SLC28A3: variants seen among roughly 807,000 people sequenced by gnomAD.
SLC28A3 encodes solute carrier family 28 member 3.
In SLC28A3, 68 loss-of-function variants were observed where a neutral mutation model predicts 84.2. The observed-to-expected ratio is 0.81, with a 90% CI of 0.66 to 0.99. The LOEUF (loss-of-function observed/expected upper bound fraction) is 0.99, where lower values mean the gene tolerates loss of function less well. Among genes scored for constraint, SLC28A3 ranks in the 50% least tolerant of loss-of-function variants. SLC28A3 has a pLI of 0.00. For synonymous variants in SLC28A3, 267 were observed against 303.6 expected (o/e 0.88, Z 1.25); for missense variants, 712 against 841.5 (o/e 0.85, Z 1.90).
At chr9:84,326,380 G>GA (rs1476829198) in intron 1 of SLC28A3, among the ~76,000 whole-genome samples, 3 of 151,732 alleles carry the variant, frequency 2.0e-5, no homozygotes, top group East Asian at 1.9e-4. Flanking sequence ...GTTATCAAAA[G>GA]AAAAAAACAA....
chr9:84,366,772 G>A, the SLC28A3 span, among the ~76,000 whole-genome samples: 114 of 152,322 alleles, frequency 7.5e-4, no homozygotes, highest in African/African-American at 2.6e-3. Context: ...GCCACCTAAA[G>A]CTGGGGGTGG....
intron 7 of SLC28A3, 39 bp downstream of exon 7, chr9:84,297,867 G>T: frequency 6.6e-7 from 1 of 1,524,910 alleles, no homozygotes; most frequent in Non-Finnish European, 8.9e-7. Context: ...AATGTTAAAA[G>T]CACCATAAAA....
chr9:84,298,899 A>T (rs890441786), intron 6 of SLC28A3, among the ~76,000 whole-genome samples: 8 of 152,218 alleles, frequency 5.3e-5, no homozygotes, highest in African/African-American at 1.9e-4. Flanking sequence ...TGCAGGGCTG[A>T]GTGGCTTCAA....
At position 84,327,775 on chromosome 9, in the gene SLC28A3, G is replaced by A. The variant is rs12337755; in HGVS notation, c.60+12799C>T. Among the ~76,000 whole-genome samples the A allele has an allele frequency of 4.6e-3, 695 of 151,888 alleles. 6 individuals carry two copies. Among genetic ancestry groups the A allele is most frequent in the African/African-American group, 0.016 (675 of 41,430 alleles). On this transcript the variant is annotated intron_variant, in intron 1 of 17. Coordinates refer to ENST00000376238, the MANE Select transcript of SLC28A3 (RefSeq NM_001199633.2). ...TCTACAAAAAATACAAAAATTAGCC[G>A]AGCATGGTGGCTTGCACCTGTAATC... is the stretch of plus-strand genomic sequence containing the variant.
intron 10 of SLC28A3, among the ~76,000 whole-genome samples, chr9:84,291,032 T>C: frequency 6.6e-6 from 1 of 152,210 alleles, no homozygotes; most frequent in South Asian, 2.1e-4. Context: ...AGATAATAGC[T>C]GTACTTTTAG....
intron 2 of SLC28A3, 148 bp downstream of exon 2, chr9:84,313,211 G>T: frequency 1.7e-6 from 1 of 574,164 alleles, no homozygotes. Flanking sequence ...TTTTCTTTAC[G>T]ACTATGCCCC....
the SLC28A3 span, among the ~76,000 whole-genome samples, chr9:84,350,267 C>A: frequency 6.6e-6 from 1 of 152,078 alleles, no homozygotes; most frequent in Non-Finnish European, 1.5e-5. Flanking sequence ...TGTGGTGAAA[C>A]CACGTCTCTA....
At chr9:84,302,760 C>T (rs556533325) in intron 4 of SLC28A3, among the ~76,000 whole-genome samples, 3 of 152,124 alleles carry the variant, frequency 2.0e-5, no homozygotes, top group Admixed American at 1.3e-4. Context: ...GTTGAAGTGA[C>T]GACTGGCAAA....
At chr9:84,359,734 T>G in the SLC28A3 span, among the ~76,000 whole-genome samples, 3 of 152,124 alleles carry the variant, frequency 2.0e-5, no homozygotes, top group Non-Finnish European at 2.9e-5. Context: ...GGGTGGTGGC[T>G]CACGGCTGTA....
At chr9:84,301,605 G>T (rs1187276264) in intron 5 of SLC28A3, among the ~76,000 whole-genome samples, 1 of 152,150 alleles carries the variant, frequency 6.6e-6, no homozygotes, top group Non-Finnish European at 1.5e-5. Flanking sequence ...AAGAGAATGG[G>T]TACAACTTGT....
At chr9:84,347,663 T>C in the SLC28A3 span, among the ~76,000 whole-genome samples, 2 of 152,198 alleles carry the variant, frequency 1.3e-5, no homozygotes, top group Non-Finnish European at 2.9e-5. Context: ...CCTCAAAAAG[T>C]GTGCCAGTGC....
At chr9:84,352,401 T>G in the SLC28A3 span, among the ~76,000 whole-genome samples, 2 of 151,800 alleles carry the variant, frequency 1.3e-5, no homozygotes, top group South Asian at 2.1e-4. Flanking sequence ...GCCAGGCTGG[T>G]CTTGAACTCC....
At position 84,288,096 on chromosome 9, in the gene SLC28A3, G is replaced by A; in HGVS notation, c.1232C>T (p.Thr411Ile). 1 of 1,613,990 alleles carries A rather than the reference G, an allele frequency of 6.2e-7. No individual in the cohort carries two copies. Among genetic ancestry groups the A allele is most frequent in the Non-Finnish European group, 8.5e-7 (1 of 1,179,964 alleles). ...CTTGAGGGTTATTTTAGGTTTTTCT[G>A]TCTCAGGCCAAAAGAGTTTAGCAGC... Reference protein sequence around the residue: ...LAAAKLFWPETEKPKITLKNA... With the variant: ...LAAAKLFWPEIEKPKITLKNA... Residue 411 changes from threonine (T) to isoleucine (I), a missense_variant, in exon 12 of 18, where the codon ACA (threonine) becomes ATA (isoleucine). Coordinates refer to ENST00000376238, the MANE Select transcript of SLC28A3 (RefSeq NM_001199633.2).
chr9:84,357,404 A>G, the SLC28A3 span, among the ~76,000 whole-genome samples: 3 of 152,038 alleles, frequency 2.0e-5, no homozygotes, highest in African/African-American at 7.2e-5. Context: ...ATAATGTGTG[A>G]TGTGTCACTT....
At chr9:84,338,212 T>G (rs1304076277) in intron 1 of SLC28A3, among the ~76,000 whole-genome samples, 1 of 152,244 alleles carries the variant, frequency 6.6e-6, no homozygotes, top group African/African-American at 2.4e-5. Context: ...ATTCACAGAC[T>G]AGGACAAGGT....
intron 1 of SLC28A3, among the ~76,000 whole-genome samples, chr9:84,327,117 C>T (rs543456974): frequency 6.6e-6 from 1 of 152,166 alleles, no homozygotes; most frequent in Non-Finnish European, 1.5e-5. Context: ...GGGCATCTCT[C>T]TTGGGACCCT....
chr9:84,345,194 C>G (rs1225256559), upstream of SLC28A3, among the ~76,000 whole-genome samples: 1 of 150,444 alleles, frequency 6.6e-6, no homozygotes, highest in Non-Finnish European at 1.5e-5. Context: ...TCTTCCCCAT[C>G]ATTGCAATGT....
At chr9:84,283,157 G>A (rs1394566738) in intron 14 of SLC28A3, among the ~76,000 whole-genome samples, 1 of 152,246 alleles carries the variant, frequency 6.6e-6, no homozygotes, top group South Asian at 2.1e-4. Context: ...ATACACAGAT[G>A]TGGCCATGAT....
the SLC28A3 span, among the ~76,000 whole-genome samples, chr9:84,366,684 T>C: frequency 1.3e-5 from 2 of 152,190 alleles, no homozygotes; most frequent in South Asian, 4.1e-4. Context: ...AGGAGAATTC[T>C]TTGAATTACC....
Sources: gnomAD v4.1 joint callset for allele counts (sites outside exome capture counted in the v4.1 genomes callset) on GRCh38, gnomAD v4.1.1 for gene constraint, MANE v1.5 for transcripts, NCBI Gene and HGNC (gene_info 2026-07-23, HGNC 2026-07-21) for gene names.